PAPPA2: variants seen among roughly 807,000 people sequenced by gnomAD.
The protein encoded by PAPPA2 is pappalysin 2.
A neutral mutation model predicts 176.4 loss-of-function variants in PAPPA2; 86 were observed. The observed-to-expected ratio is 0.49, with a 90% CI of 0.41 to 0.58. The LOEUF (loss-of-function observed/expected upper bound fraction) is 0.58, where lower values mean the gene tolerates loss of function less well. Ranked by LOEUF, PAPPA2 falls within the 20% of genes least tolerant of loss-of-function variation. PAPPA2 has a pLI of 0.00. For synonymous variants in PAPPA2, 809 were observed against 852.2 expected (o/e 0.95, Z 0.88); for missense variants, 2,073 against 2,256.9 (o/e 0.92, Z 1.65).
chr1:176,758,948 T>G (rs1008202207), intron 14 of PAPPA2, among the ~76,000 whole-genome samples: 8 of 152,174 alleles, frequency 5.3e-5, no homozygotes, highest in African/African-American at 1.9e-4. Context: ...TTTTACTAAT[T>G]TGCAGATGGA....
At chr1:176,751,244 C>G (rs926459735) in intron 14 of PAPPA2, among the ~76,000 whole-genome samples, 6 of 149,688 alleles carry the variant, frequency 4.0e-5, no homozygotes, top group Admixed American at 2.7e-4. Flanking sequence ...GTTACTGTAG[C>G]CTTGTAGTAT....
chr1:176,782,732 T>C (rs1396105257), intron 17 of PAPPA2, among the ~76,000 whole-genome samples: 2 of 152,128 alleles, frequency 1.3e-5, no homozygotes, highest in Non-Finnish European at 2.9e-5. Context: ...GAAGTTTGGA[T>C]TTCATTTTTC....
At chr1:176,770,501 A>G (rs1664175628) in intron 16 of PAPPA2, among the ~76,000 whole-genome samples, 1 of 152,224 alleles carries the variant, frequency 6.6e-6, no homozygotes, top group East Asian at 1.9e-4. Flanking sequence ...CCTGATCTGC[A>G]TAATAGGGGA....
intron 17 of PAPPA2, among the ~76,000 whole-genome samples, chr1:176,787,483 G>A (rs757032933): frequency 2.6e-4 from 39 of 152,066 alleles, no homozygotes; most frequent in Middle Eastern, 3.2e-3. Context: ...AGACCTGTCT[G>A]CCTCAGCTTC....
Position 176,557,184 on chromosome 1 carries a change from A to G in PAPPA2, c.862A>G (p.Thr288Ala). ...VLAEIPREAF[T>A]VEAWVKPEGG... ...GGCTGAGATTCCCCGGGAGGCGTTC[A>G]CAGTGGAAGCCTGGGTTAAACCGGA... The change falls in exon 2 of 23, where the codon ACA (threonine) becomes GCA (alanine). Residue 288 changes from threonine (T) to alanine (A), a missense_variant. Around this residue, in one of 4 missense-constraint regions of PAPPA2, gnomAD observed 1,196 missense variants for 1,330.4 expected, o/e 0.90. Coordinates refer to ENST00000367662, the MANE Select transcript of PAPPA2 (RefSeq NM_020318.3). 2 of 1,612,856 alleles carry G rather than the reference A, an allele frequency of 1.2e-6. No individual in the cohort carries two copies. The highest frequency in any genetic ancestry group is 2.2e-5 in the South Asian group (2 of 90,824).
rs181837983 is a variant in PAPPA2, at chr1:176,593,349, G to A, written c.920-1175G>A. ...AAGTCTTATTTAACAAGCTTGGGGAGAATGACTCTTGATGTTTACCCAGGT... is the reference window on the plus strand; with the variant it reads ...AAGTCTTATTTAACAAGCTTGGGGAAAATGACTCTTGATGTTTACCCAGGT... On this transcript the variant is annotated intron_variant, in intron 2 of 22. Transcript: ENST00000367662. Among the ~76,000 whole-genome samples the A allele has an allele frequency of 2.6e-5, 4 of 152,310 alleles. No individual in the cohort carries two copies. In the East Asian group the frequency reaches 7.7e-4, roughly 29 times the overall value.
chr1:176,815,852 A>C (rs1052667648), intron 21 of PAPPA2, among the ~76,000 whole-genome samples: 3 of 152,030 alleles, frequency 2.0e-5, no homozygotes, highest in African/African-American at 4.8e-5. Flanking sequence ...TGAATCCACA[A>C]TTTAGTCTGG....
intron 7 of PAPPA2, among the ~76,000 whole-genome samples, chr1:176,697,356 GAGA>G (rs1660435037): frequency 6.6e-6 from 1 of 152,120 alleles, no homozygotes; most frequent in African/African-American, 2.4e-5. Flanking sequence ...CAGACAAAAT[GAGA>G]AGTTTTTGGG....
chr1:176,769,853 G>T, intron 16 of PAPPA2, 69 bp downstream of exon 16: 3 of 1,454,000 alleles, frequency 2.1e-6, no homozygotes, highest in Admixed American at 2.4e-5. Flanking sequence ...GGTACTTTGG[G>T]ACTCTTTTCG....
intron 1 of PAPPA2, among the ~76,000 whole-genome samples, chr1:176,530,273 A>G (rs1649738947): frequency 1.3e-5 from 2 of 152,158 alleles, no homozygotes; most frequent in South Asian, 4.1e-4. Flanking sequence ...TTGGGCTTTG[A>G]CCTTTGGCTA....
intron 3 of PAPPA2, chr1:176,616,668 C>G (rs2102685459): frequency 1.3e-6 from 2 of 1,556,036 alleles, no homozygotes; most frequent in South Asian, 2.2e-5. Context: ...TGTGGTAGCT[C>G]CATACTTCTT....
At chr1:176,510,810 TACACACACACACAC>T (rs200808228) in intron 1 of PAPPA2, among the ~76,000 whole-genome samples, 3 of 126,492 alleles carry the variant, frequency 2.4e-5, no homozygotes, top group East Asian at 2.4e-4. Flanking sequence ...AAGCAACACA[TACACACACACACAC>T]ACACACACAC....
rs186488805 is a variant in PAPPA2 at position 176,699,039 on chromosome 1, T to C, written c.2747-61T>C. ...GTTCCTCTTTCTGGCTGCTAAGGGC[T>C]ACTCATTTTCTGACTTTTAATGGCT... On this transcript the variant is annotated intron_variant, in intron 7 of 22. Coordinates refer to ENST00000367662, the MANE Select transcript of PAPPA2 (RefSeq NM_020318.3). 565 of 1,531,592 alleles carry C rather than the reference T, an allele frequency of 3.7e-4. 4 individuals carry two copies. In the East Asian group the frequency reaches 0.012, roughly 32 times the overall value. The allele number at this position is 1,531,592 out of a possible 1,614,324, so 94.9% of individuals were successfully genotyped here. A position where few individuals can be genotyped will look rare whatever the true frequency, so the allele number is the denominator to read the frequency against.
intron 21 of PAPPA2, among the ~76,000 whole-genome samples, chr1:176,833,397 A>G (rs1223269443): frequency 1.3e-5 from 2 of 152,188 alleles, no homozygotes; most frequent in African/African-American, 2.4e-5. Context: ...TTAAAGTTCT[A>G]ACAGGATTAC....
chr1:176,629,850 G>A lies in PAPPA2; in HGVS notation c.1991+34255G>A, dbSNP rs138897978. On this transcript the variant is annotated intron_variant, in intron 3 of 22. Transcript: ENST00000367662. ...ATAGGTTATATTTTAGAAGCACTTG[G>A]GTGAATCATTCAAACCAGACTAGGA... Among the ~76,000 whole-genome samples, 582 of 152,176 alleles carry A rather than the reference G, an allele frequency of 3.8e-3. 4 individuals are homozygous for A. The highest frequency in any genetic ancestry group is 6.6e-3 in the Non-Finnish European group (447 of 68,030).
chr1:176,588,175 T>C (rs1349616346), intron 2 of PAPPA2, among the ~76,000 whole-genome samples: 3 of 152,232 alleles, frequency 2.0e-5, no homozygotes, highest in African/African-American at 7.2e-5. Context: ...TTGTAGTGAT[T>C]GTGAATGGGA....
At chr1:176,627,555 G>A (rs552804298) in intron 3 of PAPPA2, among the ~76,000 whole-genome samples, 72 of 151,970 alleles carry the variant, frequency 4.7e-4, no homozygotes, top group Admixed American at 5.3e-4. Flanking sequence ...TTATTTTAAC[G>A]CTATTCTTTT....
chr1:176,722,419 C>CTTTTTTTTTTTTTTTT (rs34221424), intron 12 of PAPPA2, among the ~76,000 whole-genome samples: 2 of 124,016 alleles, frequency 1.6e-5, no homozygotes, highest in Non-Finnish European at 1.7e-5. Context: ...TATACATTTC[C>CTTTTTTTTTTTTTTTT]TTTTTTTTTT....
At chr1:176,561,937 C>T (rs1036826610) in intron 2 of PAPPA2, among the ~76,000 whole-genome samples, 2 of 152,148 alleles carry the variant, frequency 1.3e-5, no homozygotes, top group Admixed American at 6.5e-5. Flanking sequence ...GGCAAGACAG[C>T]GTGCGCAGCG....
Sources: gnomAD v4.1 joint callset for allele counts (sites outside exome capture counted in the v4.1 genomes callset) on GRCh38, gnomAD v4.1.1 for gene constraint, gnomAD v4.1.1 regional missense constraint, MANE v1.5 for transcripts, NCBI Gene and HGNC (gene_info 2026-07-23, HGNC 2026-07-21) for gene names.